Variants in JAG1 observed in about 807,000 individuals in gnomAD.
The protein encoded by JAG1 is protein jagged-1.
A neutral mutation model predicts 148.7 loss-of-function variants in JAG1; 23 were observed. The observed-to-expected ratio is 0.15, with a 90% confidence interval of 0.11 to 0.22. The LOEUF (loss-of-function observed/expected upper bound fraction) is 0.22. Ranked by LOEUF, JAG1 falls within the 10% of genes least tolerant of loss-of-function variation. The probability of loss-of-function intolerance (pLI) is 1.00; values close to 1 mark genes in which losing one functional copy is unlikely to be tolerated. For synonymous variants in JAG1, 572 were observed against 598.3 expected (o/e 0.96, Z 0.64); for missense variants, 1,054 against 1,611.2 (o/e 0.65, Z 5.92).
In JAG1 at chr20:10,647,041, A is replaced by C. The variant is rs2067314186; in HGVS notation, c.1783T>G (p.Ser595Ala). The change falls in exon 14 of 26, where the codon TCC becomes GCC. Residue 595 changes from serine to alanine, a missense_variant. Physicochemically the swap from Ser to Ala is moderately conservative, Grantham distance 99. Transcript: ENST00000254958. ...CCGTGAGGACCACAGACGTTGGAGGAAATATACCGCACCCCTTCAGGTGTG... is the reference window on the plus strand; with the variant it reads ...CCGTGAGGACCACAGACGTTGGAGGCAATATACCGCACCCCTTCAGGTGTG... ...NDTPEGVRYI[S>A]SNVCGPHGKC... The C allele has an allele frequency of 6.2e-7, 1 of 1,614,064 alleles. No homozygotes were observed. The highest frequency in any genetic ancestry group is 8.5e-7 in the Non-Finnish European group (1 of 1,180,044).
Position 10,673,497 on chromosome 20 carries a change from G to A in JAG1, c.34C>T (p.Arg12Cys), listed in dbSNP as rs1452242699. ...AGGGCGAGCAGGAGGCTTAGGGGGCGCCCGGACCGGCCGCGCGTCCGTGGG... is the reference window on the plus strand; with the variant it reads ...AGGGCGAGCAGGAGGCTTAGGGGGCACCCGGACCGGCCGCGCGTCCGTGGG... ...RSPRTRGRSG[R>C]PLSLLLALLC... The change falls in exon 1 of 26, where the codon CGC (arginine) becomes TGC (cysteine). Residue 12 changes from arginine to cysteine, a missense_variant. By Grantham distance (180) the Arg-to-Cys change is radical. Around this residue, in one of 6 missense-constraint regions of JAG1, gnomAD observed 151 missense variants for 211.1 expected, o/e 0.72. Coordinates refer to ENST00000254958, the MANE Select transcript of JAG1 (RefSeq NM_000214.3). This position sits in a 1 kb window ranked among gnomAD's most constrained non-coding sequence, Gnocchi z 4.7. 1.2e-5 allele frequency: 15 copies of A among 1,276,314 alleles called. No individual in the cohort carries two copies. The highest frequency in any genetic ancestry group is 9.3e-5 in the African/African-American group (6 of 64,480). The allele number at this position is 1,276,314 out of a possible 1,614,324, so 79.1% of individuals were successfully genotyped here.
In JAG1 at chr20:10,639,823, G is replaced by GTGT. The variant is rs1175335430; in HGVS notation, c.3329_3331dup (p.Asn1110dup). 6.2e-7 allele frequency: 1 copy of GTGT among 1,614,086 alleles called. No homozygotes were observed. The highest frequency in any genetic ancestry group is 1.3e-5 in the African/African-American group (1 of 74,928). The stretch of plus-strand genomic sequence containing the variant: ...CAGCTGCTCCCGCACGTTGTTGGTG[G>GTGT]TGTTGTCCTCAGAGGCTGAGTGTGT... On this transcript the variant is annotated inframe_insertion, in exon 26 of 26. Coordinates refer to ENST00000254958, the MANE Select transcript of JAG1 (RefSeq NM_000214.3).
Position 10,641,447 on chromosome 20 carries a change from G to A in JAG1, c.2916+13C>T, listed in dbSNP as rs1368995674. On this transcript the variant is annotated intron_variant, in intron 23 of 25. Coordinates refer to ENST00000254958, the MANE Select transcript of JAG1 (RefSeq NM_000214.3). Reference sequence around the variant, plus strand: ...ATCCACCATTCAAAAAAAAAACAAAGGTTGTTACATACTGGTGACATCATC... The same window carrying A: ...ATCCACCATTCAAAAAAAAAACAAAAGTTGTTACATACTGGTGACATCATC... 2 of 1,604,306 alleles carry A rather than the reference G, an allele frequency of 1.2e-6. No homozygotes were observed. Among genetic ancestry groups the A allele is most frequent in the Admixed American group, 1.7e-5 (1 of 59,988 alleles).
At chr20:10,661,989 C>T (rs955665992) in intron 3 of JAG1, among the ~76,000 whole-genome samples, 6 of 152,256 alleles carry the variant, frequency 3.9e-5, no homozygotes, top group Non-Finnish European at 8.8e-5. Flanking sequence ...CCAGAAGGGG[C>T]CCTGGGAAGG....
In JAG1 at chr20:10,638,462, G is replaced by A. The variant is rs567253428; in HGVS notation, c.*1036C>T. ...GCTATGTTAAGTCATAGCTCAACTTGTTCCCTTACTGCTCTGCAGCAGATC... is the reference window on the plus strand; with the variant it reads ...GCTATGTTAAGTCATAGCTCAACTTATTCCCTTACTGCTCTGCAGCAGATC... On this transcript the variant is annotated 3_prime_UTR_variant, in exon 26 of 26. Transcript: ENST00000254958. The A allele has an allele frequency of 6.6e-6, 1 of 152,602 alleles. No individual in the cohort carries two copies. Among genetic ancestry groups the A allele is most frequent in the Non-Finnish European group, 1.5e-5 (1 of 68,044 alleles). 9.5% of individuals were successfully genotyped at this position (152,602 alleles called of 1,614,324 possible).
intron 19 of JAG1, 65 bp downstream of exon 19, chr20:10,644,292 A>ACG: frequency 8.9e-7 from 1 of 1,126,354 alleles, no homozygotes; most frequent in Non-Finnish European, 1.3e-6. Context: ...ACACACACAC[A>ACG]CACACACACA....
intron 14 of JAG1, chr20:10,646,330 AG>A: frequency 2.0e-6 from 1 of 505,426 alleles, no homozygotes; most frequent in Non-Finnish European, 3.6e-6. Context: ...AAAGTGGGGA[AG>A]AAACTCCTAC....
In JAG1 at chr20:10,639,428, G is replaced by T; in HGVS notation, c.*70C>A. On this transcript the variant is annotated 3_prime_UTR_variant, in exon 26 of 26. Transcript: ENST00000254958. ...AAGTCAGCAACGGCCTCAGACTCGA[G>T]TATGACACGACAGTTTAAAGAACTA... The T allele has an allele frequency of 7.3e-7, 1 of 1,371,558 alleles. No individual in the cohort carries two copies. The highest frequency in any genetic ancestry group is 1.0e-6 in the Non-Finnish European group (1 of 958,774). 85.0% of individuals were successfully genotyped at this position (1,371,558 alleles called of 1,614,324 possible).
In JAG1 at chr20:10,645,122, C is replaced by T. The variant is rs765625534; in HGVS notation, c.2227+21G>A. ...CAGGTGGCCATGCCCACTGCAGATC[C>T]CACGTGGGGCATAAAGTTACCTATG... On this transcript the variant is annotated intron_variant, in intron 17 of 25. Coordinates refer to ENST00000254958, the MANE Select transcript of JAG1 (RefSeq NM_000214.3). The surrounding 1 kb of genome is among the most constrained non-coding windows in gnomAD (Gnocchi z 6.1). 1.3e-5 allele frequency: 21 copies of T among 1,594,568 alleles called. No individual in the cohort carries two copies. Among genetic ancestry groups the T allele is most frequent in the Non-Finnish European group, 1.8e-5 (21 of 1,162,244 alleles).
Position 10,641,682 on chromosome 20 carries a change from G to A in JAG1, c.2694C>T (p.Gly898=). The change falls in exon 23 of 26, where the codon GGC becomes GGT. Residue 898 remains glycine, a synonymous_variant. Transcript: ENST00000254958. Reference sequence around the variant, plus strand: ...CTTTGTGGAGCAGGCAAGGTCGAGGGCCACACCAGACCTGGAGAAAAACAG... The same window carrying A: ...CTTTGTGGAGCAGGCAAGGTCGAGGACCACACCAGACCTGGAGAAAAACAG... ...GRIACSKVWC[G]PRPCLLHKGH... The A allele has an allele frequency of 1.2e-6, 2 of 1,613,930 alleles. No homozygotes were observed. Among genetic ancestry groups the A allele is most frequent in the Non-Finnish European group, 1.7e-6 (2 of 1,179,982 alleles).
At chr20:10,647,810 T>C (rs1486495586) in intron 13 of JAG1, 150 bp downstream of exon 13, 1 of 851,104 alleles carries the variant, frequency 1.2e-6, no homozygotes, top group Non-Finnish European at 1.9e-6. Context: ...TTTCCACGTG[T>C]TGCGGCCCGC....
Position 10,673,777 on chromosome 20 carries a change from C to T in JAG1, c.-247G>A. The stretch of plus-strand genomic sequence containing the variant: ...TTCTGATCGCTTCTTTGAGACGCTC[C>T]CCCTCCTCTTCCACCTCCCGGCTTT... On this transcript the variant is annotated 5_prime_UTR_variant, in exon 1 of 26. Transcript: ENST00000254958. The surrounding 1 kb of genome is among the most constrained non-coding windows in gnomAD (Gnocchi z 4.7). 1 of 230,992 alleles carries T rather than the reference C, an allele frequency of 4.3e-6. No homozygotes were observed. The highest frequency in any genetic ancestry group is 8.3e-6 in the Non-Finnish European group (1 of 121,066). The allele number at this position is 230,992 out of a possible 1,614,324, so 14.3% of individuals were successfully genotyped here. A position where few individuals can be genotyped will look rare whatever the true frequency, so the allele number is the denominator to read the frequency against.
chr20:10,648,900 C>G, intron 11 of JAG1, 161 bp downstream of exon 11: 1 of 874,746 alleles, frequency 1.1e-6, no homozygotes, highest in Admixed American at 2.1e-5. Context: ...AAAATGACTC[C>G]CACGAGGCTG....
chr20:10,665,671 G>T (rs999187219), intron 2 of JAG1, among the ~76,000 whole-genome samples: 8 of 152,116 alleles, frequency 5.3e-5, no homozygotes, highest in Non-Finnish European at 1.0e-4. Flanking sequence ...TGCTGGTCAC[G>T]TTGAGGCCCA....
chr20:10,649,823 A>G (rs1016701008), intron 9 of JAG1, 188 bp from the exon 10 acceptor site: 2 of 626,614 alleles, frequency 3.2e-6, no homozygotes, highest in East Asian at 5.5e-5. Context: ...TTATCCAATA[A>G]GAACCCTAAT....
chr20:10,673,603 C>G lies in JAG1; in HGVS notation c.-73G>C, dbSNP rs886056514. 3.2e-5 allele frequency: 27 copies of G among 853,380 alleles called. No individual in the cohort carries two copies. Among genetic ancestry groups the G allele is most frequent in the South Asian group, 1.1e-4 (2 of 17,674 alleles). The allele number at this position is 853,380 out of a possible 1,614,324, so 52.9% of individuals were successfully genotyped here. A position where few individuals can be genotyped will look rare whatever the true frequency, so the allele number is the denominator to read the frequency against. ...GCGCTGGTGCTGCCGCCGGTGCTGC[C>G]GTCGCCGCTGCCCCTGCGGCCGCCG... On this transcript the variant is annotated 5_prime_UTR_variant, in exon 1 of 26. Coordinates refer to ENST00000254958, the MANE Select transcript of JAG1 (RefSeq NM_000214.3). The surrounding 1 kb of genome is among the most constrained non-coding windows in gnomAD (Gnocchi z 4.7).
chr20:10,641,705 C>T lies in JAG1; in HGVS notation c.2683-12G>A, dbSNP rs377227857. On this transcript the variant is annotated splice_polypyrimidine_tract_variant and intron_variant, in intron 22 of 25. Transcript: ENST00000254958. ...GGGCCACACCAGACCTGGAGAAAAACAGAAGCTGGCAGCTTAGCAGGCATG... is the reference window on the plus strand; with the variant it reads ...GGGCCACACCAGACCTGGAGAAAAATAGAAGCTGGCAGCTTAGCAGGCATG... 8 of 1,613,530 alleles carry T rather than the reference C, an allele frequency of 5.0e-6. No homozygotes were observed. Among genetic ancestry groups the T allele is most frequent in the African/African-American group, 1.3e-5 (1 of 74,932 alleles).
In JAG1 at chr20:10,638,545, A is replaced by T. The variant is rs1366332108; in HGVS notation, c.*953T>A. On this transcript the variant is annotated 3_prime_UTR_variant, in exon 26 of 26. Coordinates refer to ENST00000254958, the MANE Select transcript of JAG1 (RefSeq NM_000214.3). ...AAAACAAAAAACAAACAAACAAAAA[A>T]ACCTGTTCTAAACTAATCCTCAAAC... 1.3e-5 allele frequency: 2 copies of T among 152,650 alleles called. No homozygotes were observed. The highest frequency in any genetic ancestry group is 2.9e-5 in the Non-Finnish European group (2 of 68,064). 9.5% of individuals were successfully genotyped at this position (152,650 alleles called of 1,614,324 possible). A position where few individuals can be genotyped will look rare whatever the true frequency, so the allele number is the denominator to read the frequency against.
intron 2 of JAG1, among the ~76,000 whole-genome samples, chr20:10,665,215 G>A (rs182611160): frequency 6.6e-6 from 1 of 152,348 alleles, no homozygotes; most frequent in African/African-American, 2.4e-5. Flanking sequence ...GTAAAAGGGA[G>A]TTTCATTCAT....
Sources: allele counts gnomAD v4.1 joint callset (sites outside exome capture counted in the v4.1 genomes callset), GRCh38; gene constraint gnomAD v4.1.1; regional missense constraint gnomAD v4.1.1; non-coding constraint Gnocchi (gnomAD v3.1); transcripts MANE v1.5; gene names NCBI Gene and HGNC (gene_info 2026-07-23, HGNC 2026-07-21).